ABCA4: variants seen among roughly 807,000 people sequenced by gnomAD.
The protein encoded by ABCA4 is retinal-specific phospholipid-transporting ATPase ABCA4.
A neutral mutation model predicts 263.7 loss-of-function variants in ABCA4; 196 were observed. The observed-to-expected ratio is 0.74, with a 90% CI of 0.66 to 0.84. ABCA4 has a LOEUF of 0.84. Among genes scored for constraint, ABCA4 ranks in the 40% least tolerant of loss-of-function variants. ABCA4 has a pLI of 0.00. For synonymous variants in ABCA4, 1,133 were observed against 1,094.2 expected, an observed-to-expected ratio of 1.04 and a Z score of -0.70; for missense variants, 2,792 against 2,855.1, an observed-to-expected ratio of 0.98 and a Z score of 0.50.
chr1:94,005,354 G>T, intron 44 of ABCA4, 87 bp downstream of exon 44: 2 of 1,536,706 alleles, frequency 1.3e-6, no homozygotes, highest in Non-Finnish European at 1.8e-6. Flanking sequence ...GCACGCTTCA[G>T]TTTCTCATCT....
chr1:94,046,377 G>A (rs984547219), intron 19 of ABCA4, among the ~76,000 whole-genome samples: 30 of 147,426 alleles, frequency 2.0e-4, no homozygotes, highest in African/African-American at 7.0e-4. Flanking sequence ...TGGGAGAATC[G>A]CTTGATCCTG....
chr1:94,072,455 G>A (rs1761375), intron 11 of ABCA4, among the ~76,000 whole-genome samples: 37,912 of 152,082 alleles, frequency 0.25, 5,186 homozygotes, highest in Non-Finnish European at 0.31. Context: ...ACTCTGAATA[G>A]TATTTCATCT....
intron 40 of ABCA4, among the ~76,000 whole-genome samples, chr1:94,009,950 G>A (rs961268382): frequency 4.6e-5 from 7 of 152,316 alleles, no homozygotes; most frequent in African/African-American, 7.2e-5. Context: ...TTCATCAGGC[G>A]TGTGTTGACA....
rs531909585 is a variant in ABCA4 at position 94,056,933 on chromosome 1, C to T, written c.2161-111G>A. 1.1e-4 allele frequency: 100 copies of T among 890,986 alleles called. 2 individuals carry two copies. The highest frequency in any genetic ancestry group is 7.9e-4 in the South Asian group (55 of 69,320). 55.2% of individuals were successfully genotyped at this position (890,986 alleles called of 1,614,324 possible). On this transcript the variant is annotated intron_variant, in intron 14 of 49. Transcript: ENST00000370225. ...CCTGCAGTTAGTGTCTAAATTTCTA[C>T]GCACACTCCATGTGCTGAGTTCCTT... is the stretch of plus-strand genomic sequence containing the variant.
chr1:94,077,997 G>C (rs74104506), intron 10 of ABCA4, 110 bp from the exon 11 acceptor site: 9 of 1,054,798 alleles, frequency 8.5e-6, no homozygotes, highest in Non-Finnish European at 1.3e-5. Context: ...AGATGCTAAG[G>C]CTCCCTGAAG....
At position 94,080,962 on chromosome 1, in the gene ABCA4, T is replaced by C. The variant is rs993360243; in HGVS notation, c.859-244A>G. Among the ~76,000 whole-genome samples, 5 of 152,182 alleles carry C rather than the reference T, an allele frequency of 3.3e-5. No homozygotes were observed. The highest frequency in any genetic ancestry group is 2.1e-4 in the South Asian group (1 of 4,826). ...CAGAGTGGCCGGGCGCAGTGGCTCA[T>C]GCCTGTAATCCTAGCACTTTGGGAG... is the stretch of plus-strand genomic sequence containing the variant. On this transcript the variant is annotated intron_variant, in intron 7 of 49. Transcript: ENST00000370225.
chr1:94,114,281 A>C (rs143362625), intron 1 of ABCA4, among the ~76,000 whole-genome samples: 150 of 152,332 alleles, frequency 9.8e-4, no homozygotes, highest in African/African-American at 3.4e-3. Flanking sequence ...ACAAGATTAT[A>C]AGAAACTAAA....
At chr1:94,057,201 C>T (rs1661007234) in intron 14 of ABCA4, among the ~76,000 whole-genome samples, 2 of 152,180 alleles carry the variant, frequency 1.3e-5, no homozygotes, top group African/African-American at 4.8e-5. Flanking sequence ...TTTTCTTTGT[C>T]TTGCTTCCCT....
Position 94,007,849 on chromosome 1 carries a change from C to T in ABCA4, c.5899-109G>A, listed in dbSNP as rs989158765. The T allele has an allele frequency of 4.8e-6, 5 of 1,044,720 alleles. No individual in the cohort carries two copies. The South Asian group carries it at 6.6e-5, about 14-fold the overall frequency. The allele number at this position is 1,044,720 out of a possible 1,614,324, so 64.7% of individuals were successfully genotyped here. On this transcript the variant is annotated intron_variant, in intron 42 of 49. Transcript: ENST00000370225. ...CTGGGGGAGGAATTTTAGACCTGGG[C>T]TGCCATCAGAGGCCACGAGCCATAT...
intron 6 of ABCA4, among the ~76,000 whole-genome samples, chr1:94,087,239 T>C (rs1284561092): frequency 6.6e-6 from 1 of 152,222 alleles, no homozygotes; most frequent in Non-Finnish European, 1.5e-5. Flanking sequence ...TTTATCCCCC[T>C]GTTGCCTAAA....
At chr1:94,074,306 A>G (rs939426818) in intron 11 of ABCA4, among the ~76,000 whole-genome samples, 1 of 152,240 alleles carries the variant, frequency 6.6e-6, no homozygotes, top group Non-Finnish European at 1.5e-5. Context: ...AAAACTGGCT[A>G]GCCATATGTA....
rs1294899200 is a variant in ABCA4 at position 94,031,853 on chromosome 1, G to C, written c.4053C>G (p.Val1351=). The C allele has an allele frequency of 6.2e-7, 1 of 1,614,068 alleles. No individual in the cohort carries two copies. Among genetic ancestry groups the C allele is most frequent in the Non-Finnish European group, 8.5e-7 (1 of 1,180,050 alleles). The change falls in exon 27 of 50, where the codon GTC becomes GTG. Residue 1351 remains valine, a synonymous_variant. Transcript: ENST00000370225. The part of the protein sequence containing the change: ...GPQLNTGTQL[V]LQHVQALLVK... ...CCAGCAGCGCCTGCACATGCTGGAG[G>C]ACCAGCTGTGTCCCCGTGTTGAGCT...
At chr1:94,016,289 G>A (rs1438775241) in intron 36 of ABCA4, among the ~76,000 whole-genome samples, 2 of 152,178 alleles carry the variant, frequency 1.3e-5, no homozygotes, top group Non-Finnish European at 1.5e-5. Context: ...GAAAGGGGAC[G>A]GCAACAGTGG....
chr1:93,999,447 G>A (rs139513929), intron 47 of ABCA4, among the ~76,000 whole-genome samples: 111 of 152,334 alleles, frequency 7.3e-4, no homozygotes, highest in African/African-American at 2.6e-3. Context: ...GGGCCAGGTG[G>A]GAGCAAAGGC....
chr1:94,029,448 G>A lies in ABCA4; in HGVS notation c.4536C>T (p.Pro1512=), dbSNP rs764982444. Residue 1512 remains proline (P), a synonymous_variant, in exon 30 of 50, where the codon CCC becomes CCT. Coordinates refer to ENST00000370225, the MANE Select transcript of ABCA4 (RefSeq NM_000350.3). Reference sequence around the variant, plus strand: ...CCGTTGTTTGGAGGTCAGGTACCTGGGGGGGCGGGAGGCCCCCGGCACCCT... The same window carrying A: ...CCGTTGTTTGGAGGTCAGGTACCTGAGGGGGCGGGAGGCCCCCGGCACCCT... The part of the protein sequence containing the change: ...CPEGAGGLPP[P]QRTQRSTEIL... The A allele has an allele frequency of 4.5e-6, 7 of 1,550,306 alleles. No individual in the cohort carries two copies. Among genetic ancestry groups the A allele is most frequent in the African/African-American group, 2.7e-5 (2 of 73,238 alleles).
At chr1:93,993,688 TG>T (rs1332104147) in intron 49 of ABCA4, among the ~76,000 whole-genome samples, 4 of 151,928 alleles carry the variant, frequency 2.6e-5, no homozygotes, top group African/African-American at 9.7e-5. Flanking sequence ...AGCATGAAAG[TG>T]TGACTGGGGG....
intron 23 of ABCA4, 80 bp downstream of exon 23, chr1:94,041,129 T>C (rs1660474478): frequency 3.5e-6 from 5 of 1,437,512 alleles, no homozygotes; most frequent in Middle Eastern, 1.9e-4. Flanking sequence ...CCTGTGTGAG[T>C]AGCCATGTCT....
At chr1:94,116,116 G>C (rs1218284600) in intron 1 of ABCA4, among the ~76,000 whole-genome samples, 1 of 152,130 alleles carries the variant, frequency 6.6e-6, no homozygotes, top group African/African-American at 2.4e-5. Context: ...TGAAGAATCT[G>C]GTCTCCACAA....
chr1:94,092,109 C>T (rs149370261), intron 6 of ABCA4, among the ~76,000 whole-genome samples: 39 of 152,320 alleles, frequency 2.6e-4, no homozygotes, highest in East Asian at 9.6e-4. Flanking sequence ...TCAAAGAAGA[C>T]AATCTGGAAA....
Sources: allele counts gnomAD v4.1 joint callset (sites outside exome capture counted in the v4.1 genomes callset), GRCh38; gene constraint gnomAD v4.1.1; transcripts MANE v1.5; gene names NCBI Gene and HGNC (gene_info 2026-07-23, HGNC 2026-07-21).